RSRC1: variants seen among roughly 807,000 people sequenced by gnomAD.
The protein encoded by RSRC1 is serine/Arginine-related protein 53.
A neutral mutation model predicts 49.1 loss-of-function variants in RSRC1; 39 were observed. That is an observed-to-expected ratio of 0.79 (90% CI 0.61 to 1.04). The LOEUF (loss-of-function observed/expected upper bound fraction) is 1.04. Ranked by LOEUF, RSRC1 falls within the 50% of genes least tolerant of loss-of-function variation. The pLI, the probability that RSRC1 is intolerant of heterozygous loss-of-function variation, is 0.00. For synonymous variants in RSRC1, 143 were observed against 130.8 expected (o/e 1.09, Z -0.63); for missense variants, 388 against 402.4 (o/e 0.96, Z 0.31).
In RSRC1 at chr3:158,308,778, C is replaced by G. The variant is rs555165811; in HGVS notation, c.531+10703C>G. On this transcript the variant is annotated intron_variant, in intron 5 of 9. Coordinates refer to ENST00000611884, the MANE Select transcript of RSRC1 (RefSeq NM_001271838.2). ...GCAGATAGACCTAAGAAGACATTAT[C>G]TCTTGATGATTGCAGTTTTGATAGG... Among the ~76,000 whole-genome samples the G allele has an allele frequency of 2.0e-5, 3 of 152,020 alleles. No homozygotes were observed. The East Asian group carries it at 5.8e-4, about 29-fold the overall frequency.
chr3:158,440,741 T>A (rs1408387129), intron 6 of RSRC1, among the ~76,000 whole-genome samples: 1 of 151,932 alleles, frequency 6.6e-6, no homozygotes, highest in Non-Finnish European at 1.5e-5. Flanking sequence ...GTCAGGAGTT[T>A]GAAACCAACC....
chr3:158,324,684 A>G (rs534851614), intron 5 of RSRC1, among the ~76,000 whole-genome samples: 48 of 152,332 alleles, frequency 3.2e-4, no homozygotes, highest in African/African-American at 1.2e-3. Flanking sequence ...ATAGTGCCGC[A>G]ATAAACATAC....
intron 7 of RSRC1, among the ~76,000 whole-genome samples, chr3:158,475,195 A>G (rs758268873): frequency 5.9e-5 from 9 of 152,054 alleles, no homozygotes; most frequent in Non-Finnish European, 1.2e-4. Flanking sequence ...AAGTGCTGGG[A>G]TTACAGGCAT....
intron 8 of RSRC1, among the ~76,000 whole-genome samples, chr3:158,541,235 C>T (rs900500056): frequency 6.6e-6 from 1 of 152,160 alleles, no homozygotes; most frequent in African/African-American, 2.4e-5. Context: ...TCTAAGTCTT[C>T]AGGGCTTAAA....
intron 5 of RSRC1, among the ~76,000 whole-genome samples, chr3:158,343,257 G>A (rs1182157320): frequency 6.6e-6 from 1 of 152,180 alleles, no homozygotes; most frequent in African/African-American, 2.4e-5. Flanking sequence ...ATGTAAAGCT[G>A]TTGTGGTCCT....
At chr3:158,465,588 G>A (rs1252369184) in intron 7 of RSRC1, among the ~76,000 whole-genome samples, 1 of 152,122 alleles carries the variant, frequency 6.6e-6, no homozygotes, top group East Asian at 1.9e-4. Context: ...TTAGGCAGAA[G>A]TAACGTGATT....
Position 158,365,196 on chromosome 3 carries a change from A to T in RSRC1, c.583+10288A>T, listed in dbSNP as rs554944092. Among the ~76,000 whole-genome samples the T allele has an allele frequency of 2.0e-5, 3 of 152,308 alleles. No individual in the cohort carries two copies. The South Asian group carries it at 6.2e-4, about 32-fold the overall frequency. ...TTAAGTTCTGGGATACATGTGCCGA[A>T]CATGCAGATTTGTTACATAGGTATA... On this transcript the variant is annotated intron_variant, in intron 6 of 9. Transcript: ENST00000611884.
At chr3:158,194,647 T>TCCCCCCCCCCCC (rs199693726) in intron 3 of RSRC1, among the ~76,000 whole-genome samples, 5 of 80,498 alleles carry the variant, frequency 6.2e-5, no homozygotes, top group Non-Finnish European at 1.3e-4. Flanking sequence ...TCCCTCCCCC[T>TCCCCCCCCCCCC]CCCCCCACCC....
At chr3:158,422,872 T>C (rs1735161319) in intron 6 of RSRC1, among the ~76,000 whole-genome samples, 1 of 151,874 alleles carries the variant, frequency 6.6e-6, no homozygotes, top group African/African-American at 2.4e-5. Flanking sequence ...CATAAATGTC[T>C]TCTTTTGAGA....
At chr3:158,287,944 A>G (rs761823552) in intron 4 of RSRC1, among the ~76,000 whole-genome samples, 2 of 152,202 alleles carry the variant, frequency 1.3e-5, no homozygotes, top group Non-Finnish European at 2.9e-5. Context: ...ATTATGCAAG[A>G]TGTCCCTTTT....
At chr3:158,420,594 C>T (rs1578453358) in intron 6 of RSRC1, among the ~76,000 whole-genome samples, 1 of 151,878 alleles carries the variant, frequency 6.6e-6, no homozygotes, top group Non-Finnish European at 1.5e-5. Flanking sequence ...TAGATGGTCT[C>T]TAAGATCCTT....
intron 5 of RSRC1, among the ~76,000 whole-genome samples, chr3:158,315,826 G>T (rs1728396898): frequency 6.6e-6 from 1 of 151,980 alleles, no homozygotes; most frequent in Non-Finnish European, 1.5e-5. Context: ...GCTTATTTTA[G>T]TTACTGAGCC....
intron 6 of RSRC1, among the ~76,000 whole-genome samples, chr3:158,412,850 G>T (rs1420348435): frequency 1.3e-5 from 2 of 151,602 alleles, no homozygotes; most frequent in African/African-American, 4.8e-5. Context: ...TAGCTTTGGG[G>T]TTTGTTTGCT....
Position 158,535,534 on chromosome 3 carries a change from A to G in RSRC1, c.653-1558A>G, listed in dbSNP as rs1017894601. On this transcript the variant is annotated intron_variant, in intron 7 of 9. Coordinates refer to ENST00000611884, the MANE Select transcript of RSRC1 (RefSeq NM_001271838.2). Reference sequence around the variant, plus strand: ...ACAATTCAGTAACAATACCCCTAGTACCCAGATTGTTGTCTATAAATATTA... The same window carrying G: ...ACAATTCAGTAACAATACCCCTAGTGCCCAGATTGTTGTCTATAAATATTA... Among the ~76,000 whole-genome samples the G allele has an allele frequency of 4.6e-5, 7 of 151,020 alleles. No individual in the cohort carries two copies. The South Asian group carries it at 6.2e-4, about 13-fold the overall frequency.
chr3:158,175,206 T>C (rs1578163849), intron 3 of RSRC1, among the ~76,000 whole-genome samples: 1 of 152,056 alleles, frequency 6.6e-6, no homozygotes, highest in African/African-American at 2.4e-5. Context: ...GGGTTTTTTT[T>C]CATATATTCT....
At chr3:158,158,375 C>T (rs987079649) in intron 3 of RSRC1, among the ~76,000 whole-genome samples, 5 of 151,876 alleles carry the variant, frequency 3.3e-5, no homozygotes, top group Admixed American at 6.6e-5. Context: ...CATGCACTGG[C>T]GGTTGTGGAA....
Position 158,505,103 on chromosome 3 carries a change from T to C in RSRC1, c.653-31989T>C, listed in dbSNP as rs868050053. 1.1e-4 allele frequency among the ~76,000 whole-genome samples: 16 copies of C among 152,230 alleles called. 1 individual carries two copies. The highest frequency in any genetic ancestry group is 2.1e-4 in the South Asian group (1 of 4,832). On this transcript the variant is annotated intron_variant, in intron 7 of 9. Transcript: ENST00000611884. ...AGTTGTTCATTACACAGTTGATGCA[T>C]TTGCAGGACTATGTTGAGTACTGTA...
intron 4 of RSRC1, among the ~76,000 whole-genome samples, chr3:158,258,264 TTGTC>T (rs1724688058): frequency 6.7e-6 from 1 of 150,064 alleles, no homozygotes; most frequent in Admixed American, 6.6e-5. Context: ...TAGCATTTGT[TTGTC>T]TGGGAAAGTC....
intron 7 of RSRC1, among the ~76,000 whole-genome samples, chr3:158,508,004 T>A (rs975702907): frequency 3.9e-5 from 6 of 152,156 alleles, no homozygotes; most frequent in Non-Finnish European, 7.4e-5. Context: ...GCCCAGGAGA[T>A]CAAGGCTGCA....
Sources: allele counts gnomAD v4.1 joint callset (sites outside exome capture counted in the v4.1 genomes callset), GRCh38; gene constraint gnomAD v4.1.1; transcripts MANE v1.5; gene names NCBI Gene and HGNC (gene_info 2026-07-23, HGNC 2026-07-21).